The following CELF4 variants were observed in gnomAD, a reference collection of about 807,000 sequenced individuals.
CELF4 encodes the protein CUG-BP- and ETR-3-like factor 4.
In CELF4, 18 loss-of-function variants were observed where a neutral mutation model predicts 59.9. The observed-to-expected ratio is 0.30, with a 90% CI of 0.21 to 0.45. The LOEUF (loss-of-function observed/expected upper bound fraction) is 0.45, where lower values mean the gene tolerates loss of function less well. Among genes scored for constraint, CELF4 ranks in the 20% least tolerant of loss-of-function variants. The pLI is 1.00. For missense variants in CELF4, 456 were observed against 689.0 expected, an observed-to-expected ratio of 0.66 and a Z score of 3.79; for synonymous variants, 261 against 267.1, an observed-to-expected ratio of 0.98 and a Z score of 0.22.
At chr18:37,400,842 G>A (rs749677159) in intron 2 of CELF4, among the ~76,000 whole-genome samples, 8 of 152,228 alleles carry the variant, frequency 5.3e-5, no homozygotes, top group Non-Finnish European at 1.0e-4. Flanking sequence ...GGCCAAATCC[G>A]AGTTTTCCAC....
intron 1 of CELF4, among the ~76,000 whole-genome samples, chr18:37,540,718 C>G (rs1301584450): frequency 6.6e-6 from 1 of 152,162 alleles, no homozygotes; most frequent in Non-Finnish European, 1.5e-5. Context: ...GAAAGATGCT[C>G]CAAGAAAGGG....
At chr18:37,413,572 T>G (rs886123574) in intron 2 of CELF4, among the ~76,000 whole-genome samples, 5 of 152,188 alleles carry the variant, frequency 3.3e-5, no homozygotes, top group Admixed American at 3.3e-4. Context: ...TGTTCTACAG[T>G]TCCTCTTTAG....
At chr18:37,318,296 C>A (rs2096940344) in intron 3 of CELF4, among the ~76,000 whole-genome samples, 1 of 151,700 alleles carries the variant, frequency 6.6e-6, no homozygotes, top group African/African-American at 2.4e-5. Flanking sequence ...CCTCCTGCCG[C>A]TTATCCCCTC....
At chr18:37,310,856 G>T (rs1307097050) in intron 3 of CELF4, among the ~76,000 whole-genome samples, 6 of 152,078 alleles carry the variant, frequency 3.9e-5, no homozygotes, top group South Asian at 4.2e-4. Context: ...CTCTCCTCTC[G>T]CCCATCTCCC....
chr18:37,413,776 GC>G (rs1817553215), intron 2 of CELF4, among the ~76,000 whole-genome samples: 1 of 152,192 alleles, frequency 6.6e-6, no homozygotes, highest in African/African-American at 2.4e-5. Context: ...TCTCCAAGGA[GC>G]CTATCATCCT....
chr18:37,465,646 G>A (rs1302994762), intron 2 of CELF4, among the ~76,000 whole-genome samples: 1 of 152,204 alleles, frequency 6.6e-6, no homozygotes, highest in Admixed American at 6.5e-5. Flanking sequence ...CATCAGAGGA[G>A]TCTGTGTAGG....
intron 3 of CELF4, among the ~76,000 whole-genome samples, chr18:37,311,915 T>C (rs1451032874): frequency 2.7e-5 from 4 of 148,288 alleles, no homozygotes; most frequent in Non-Finnish European, 4.5e-5. Flanking sequence ...ATCGAGACCA[T>C]CCTGGCTAAC....
chr18:37,548,851 G>A (rs1389874234), intron 1 of CELF4, among the ~76,000 whole-genome samples: 4 of 152,148 alleles, frequency 2.6e-5, no homozygotes, highest in Admixed American at 6.5e-5. Flanking sequence ...CATCCTTGGC[G>A]TGCCAGCTAC....
intron 2 of CELF4, among the ~76,000 whole-genome samples, chr18:37,381,380 T>A (rs2099038984): frequency 6.6e-6 from 1 of 152,146 alleles, no homozygotes; most frequent in African/African-American, 2.4e-5. Flanking sequence ...CCTCATGTTC[T>A]GTTTCTGCTT....
intron 1 of CELF4, among the ~76,000 whole-genome samples, chr18:37,510,489 G>T (rs1474719728): frequency 6.6e-6 from 1 of 152,210 alleles, no homozygotes; most frequent in Admixed American, 6.5e-5. Context: ...AGCCACAGAG[G>T]TTTCCCTCAC....
At chr18:37,543,120 A>G (rs2099978936) in intron 1 of CELF4, among the ~76,000 whole-genome samples, 1 of 152,174 alleles carries the variant, frequency 6.6e-6, no homozygotes, top group Non-Finnish European at 1.5e-5. Flanking sequence ...GAGCTCCCCA[A>G]GGGTTGCACC....
At chr18:37,390,718 C>A (rs1280239989) in intron 2 of CELF4, among the ~76,000 whole-genome samples, 1 of 146,218 alleles carries the variant, frequency 6.8e-6, no homozygotes, top group African/African-American at 2.5e-5. Flanking sequence ...GCAGCCAGAA[C>A]AAGAGCCAAG....
At chr18:37,300,889 A>T (rs567579989) in intron 3 of CELF4, among the ~76,000 whole-genome samples, 12 of 152,220 alleles carry the variant, frequency 7.9e-5, no homozygotes, top group Non-Finnish European at 1.5e-5. Context: ...GCAAAGGCCC[A>T]GAGCAGGTAA....
chr18:37,374,801 G>A (rs931932006), intron 2 of CELF4, among the ~76,000 whole-genome samples: 4 of 152,128 alleles, frequency 2.6e-5, no homozygotes, highest in African/African-American at 7.2e-5. Context: ...GCTTCTTACC[G>A]GCTTCCTACT....
chr18:37,358,092 G>A (rs533128302), intron 2 of CELF4, among the ~76,000 whole-genome samples: 4 of 152,106 alleles, frequency 2.6e-5, no homozygotes, highest in East Asian at 1.9e-4. Flanking sequence ...AGACATGATC[G>A]GTTTTGAAAT....
chr18:37,519,968 G>A (rs1407542994), intron 1 of CELF4, among the ~76,000 whole-genome samples: 1 of 152,158 alleles, frequency 6.6e-6, no homozygotes, highest in Non-Finnish European at 1.5e-5. Context: ...TAAGACCTGG[G>A]AAAACGGGAG....
intron 1 of CELF4, among the ~76,000 whole-genome samples, chr18:37,560,318 G>A (rs1203003518): frequency 6.6e-6 from 1 of 152,184 alleles, no homozygotes; most frequent in South Asian, 2.1e-4. Context: ...AAAGACAAAT[G>A]AAATTATGCA....
chr18:37,458,955 T>C (rs1414513648), intron 2 of CELF4, among the ~76,000 whole-genome samples: 1 of 152,244 alleles, frequency 6.6e-6, no homozygotes, highest in African/African-American at 2.4e-5. Flanking sequence ...AGCTCATCAG[T>C]ATCCACAAAG....
At chr18:37,374,358 C>T (rs1343199506) in intron 2 of CELF4, among the ~76,000 whole-genome samples, 2 of 152,192 alleles carry the variant, frequency 1.3e-5, no homozygotes, top group Non-Finnish European at 2.9e-5. Context: ...GGGGCTCATG[C>T]AGCTCATCTC....
Sources: gnomAD v4.1 joint callset for allele counts (sites outside exome capture counted in the v4.1 genomes callset) on GRCh38, gnomAD v4.1.1 for gene constraint, MANE v1.5 for transcripts, NCBI Gene and HGNC (gene_info 2026-07-23, HGNC 2026-07-21) for gene names.